KCNAB1: variants seen among roughly 807,000 people sequenced by gnomAD.
The protein encoded by KCNAB1 is potassium voltage-gated channel subfamily A regulatory beta subunit 1.
Under a neutral mutation model 64.6 loss-of-function variants are expected in KCNAB1, and 35 were observed. That is an observed-to-expected ratio of 0.54 (90% confidence interval 0.41 to 0.72). The LOEUF (loss-of-function observed/expected upper bound fraction) is 0.72. Ranked by LOEUF, KCNAB1 falls within the 30% of genes least tolerant of loss-of-function variation. The probability of loss-of-function intolerance (pLI) is 0.00; values close to 1 mark genes in which losing one functional copy is unlikely to be tolerated. For synonymous variants in KCNAB1, 177 were observed against 183.8 expected (o/e 0.96, Z 0.30); for missense variants, 401 against 512.9 (o/e 0.78, Z 2.11).
intron 3 of KCNAB1, among the ~76,000 whole-genome samples, chr3:156,456,469 T>C (rs1205609308): frequency 6.6e-6 from 1 of 152,244 alleles, no homozygotes; most frequent in East Asian, 1.9e-4. Context: ...AAGATAAATG[T>C]TTTAATGGTA....
intron 1 of KCNAB1, among the ~76,000 whole-genome samples, chr3:156,282,300 T>C (rs1719773993): frequency 6.7e-6 from 1 of 149,700 alleles, no homozygotes; most frequent in African/African-American, 2.5e-5. Context: ...TAATCCTGAG[T>C]TCTAGTTTGA....
chr3:156,176,367 T>C, intron 1 of KCNAB1: 1 of 797,290 alleles, frequency 1.3e-6, no homozygotes, highest in South Asian at 1.3e-5. Flanking sequence ...TTTAGATGGC[T>C]GCTTTCTTCC....
Position 156,438,606 on chromosome 3 carries a change from A to G in KCNAB1, c.320-14293A>G, listed in dbSNP as rs147282689. 1.4e-4 allele frequency among the ~76,000 whole-genome samples: 21 copies of G among 152,206 alleles called. No individual in the cohort carries two copies. In the East Asian group the frequency reaches 2.7e-3, roughly 20 times the overall value. Reference sequence around the variant, plus strand: ...TACTTCATATATTATCTCTTTGGAGATAATAAGGAAAGTAGCATTTAGTGA... The same window carrying G: ...TACTTCATATATTATCTCTTTGGAGGTAATAAGGAAAGTAGCATTTAGTGA... On this transcript the variant is annotated intron_variant, in intron 2 of 13. Coordinates refer to ENST00000490337, the MANE Select transcript of KCNAB1 (RefSeq NM_172160.3).
chr3:156,274,136 G>A (rs1202259113), intron 1 of KCNAB1, among the ~76,000 whole-genome samples: 2 of 152,126 alleles, frequency 1.3e-5, no homozygotes, highest in African/African-American at 4.8e-5. Context: ...TGGACAAATA[G>A]AAAACAAAAG....
chr3:156,514,322 G>A, intron 8 of KCNAB1, 42 bp from the exon 9 acceptor site: 2 of 1,502,702 alleles, frequency 1.3e-6, no homozygotes, highest in Middle Eastern at 1.7e-4. Flanking sequence ...ACTTTGAAAA[G>A]TAGACAAATT....
intron 1 of KCNAB1, among the ~76,000 whole-genome samples, chr3:156,158,367 C>T (rs2108305637): frequency 6.6e-6 from 1 of 152,096 alleles, no homozygotes; most frequent in African/African-American, 2.4e-5. Flanking sequence ...ATTCGTTAGT[C>T]ATATCTCTAC....
intron 12 of KCNAB1, among the ~76,000 whole-genome samples, chr3:156,528,174 CA>C (rs3085733): frequency 0.48 from 67,541 of 140,574 alleles, 15,760 homozygotes; most frequent in East Asian, 0.6. Context: ...ATAATGCAGT[CA>C]AAAAAAAAAA....
intron 2 of KCNAB1, among the ~76,000 whole-genome samples, chr3:156,428,924 GA>G (rs939216750): frequency 6.6e-6 from 1 of 152,176 alleles, no homozygotes; most frequent in Non-Finnish European, 1.5e-5. Context: ...TGATTCCAAG[GA>G]AATGTTCTGT....
intron 8 of KCNAB1, among the ~76,000 whole-genome samples, chr3:156,491,740 T>G (rs1015363426): frequency 6.6e-6 from 1 of 152,106 alleles, no homozygotes; most frequent in Admixed American, 6.6e-5. Flanking sequence ...TATTTGGCTT[T>G]GGAGGTCTTT....
intron 3 of KCNAB1, 181 bp from the exon 4 acceptor site, chr3:156,457,272 A>G (rs1712507047): frequency 7.1e-7 from 1 of 1,406,642 alleles, no homozygotes; most frequent in Non-Finnish European, 9.3e-7. Context: ...TGAAGGAAAG[A>G]ATACTTCTGT....
intron 1 of KCNAB1, among the ~76,000 whole-genome samples, chr3:156,316,877 A>C (rs1193821853): frequency 6.6e-6 from 1 of 152,232 alleles, no homozygotes; most frequent in Admixed American, 6.5e-5. Flanking sequence ...AGCCCAGGCC[A>C]CAAAGCAGGG....
intron 2 of KCNAB1, among the ~76,000 whole-genome samples, chr3:156,442,351 T>C (rs1717063292): frequency 6.6e-6 from 1 of 152,126 alleles, no homozygotes; most frequent in Non-Finnish European, 1.5e-5. Flanking sequence ...AAACTTCACA[T>C]CCCCACCGTT....
At chr3:156,273,676 G>A (rs1282580903) in intron 1 of KCNAB1, 1 of 454,818 alleles carries the variant, frequency 2.2e-6, no homozygotes, top group East Asian at 6.9e-5. Flanking sequence ...GTTAAAACCA[G>A]GTACTGTCAT....
At chr3:156,137,840 G>C (rs1714455738) in intron 1 of KCNAB1, among the ~76,000 whole-genome samples, 1 of 151,838 alleles carries the variant, frequency 6.6e-6, no homozygotes, top group African/African-American at 2.4e-5. Flanking sequence ...ACAGGCGTGA[G>C]CCACTGTGCC....
At chr3:156,400,997 T>A (rs1713852215) in intron 1 of KCNAB1, among the ~76,000 whole-genome samples, 1 of 152,254 alleles carries the variant, frequency 6.6e-6, no homozygotes, top group South Asian at 2.1e-4. Context: ...AAATCATCCA[T>A]GACTGACTGC....
chr3:156,412,248 T>A (rs1230171739), intron 1 of KCNAB1, among the ~76,000 whole-genome samples: 6 of 152,342 alleles, frequency 3.9e-5, no homozygotes, highest in African/African-American at 1.2e-4. Context: ...GTTGCTAAAT[T>A]CACTTATTAG....
intron 12 of KCNAB1, among the ~76,000 whole-genome samples, chr3:156,524,628 T>C (rs1482142547): frequency 6.6e-6 from 1 of 151,516 alleles, no homozygotes; most frequent in African/African-American, 2.4e-5. Context: ...GTGCCTGTAG[T>C]CCCAGCTACT....
chr3:156,277,236 C>T (rs534265675), intron 1 of KCNAB1, among the ~76,000 whole-genome samples: 19 of 152,192 alleles, frequency 1.2e-4, no homozygotes, highest in African/African-American at 4.3e-4. Flanking sequence ...CAGATTGTGG[C>T]ACCCAAAACA....
intron 1 of KCNAB1, among the ~76,000 whole-genome samples, chr3:156,203,260 A>G (rs1714456912): frequency 6.6e-6 from 1 of 152,214 alleles, no homozygotes; most frequent in Non-Finnish European, 1.5e-5. Flanking sequence ...TATGGTACAC[A>G]AGGCTGAAAA....
Sources: allele counts gnomAD v4.1 joint callset (sites outside exome capture counted in the v4.1 genomes callset), GRCh38; gene constraint gnomAD v4.1.1; transcripts MANE v1.5; gene names NCBI Gene and HGNC (gene_info 2026-07-23, HGNC 2026-07-21).